The following RAD51B variants were observed in gnomAD, a reference collection of about 807,000 sequenced individuals.
RAD51B encodes RAD51 paralog B, also known as DNA repair protein RAD51 homolog 2.
A neutral mutation model predicts 42.2 loss-of-function variants in RAD51B; 38 were observed. The ratio of observed to expected loss-of-function variants is 0.90; its 90% CI spans 0.70 to 1.18. RAD51B has a LOEUF of 1.18. Ranked by LOEUF, RAD51B falls within the 50% of genes most tolerant of loss-of-function variation. The pLI, the probability that RAD51B is intolerant of heterozygous loss-of-function variation, is 0.00. For missense variants in RAD51B, 373 were observed against 400.7 expected, an observed-to-expected ratio of 0.93 and a Z score of 0.59; for synonymous variants, 154 against 145.2, an observed-to-expected ratio of 1.06 and a Z score of -0.43.
chr14:67,951,994 A>G (rs1358973469), intron 7 of RAD51B, among the ~76,000 whole-genome samples: 1 of 133,112 alleles, frequency 7.5e-6, no homozygotes. Context: ...TCAAACTAAT[A>G]CAAAAAATTC....
At chr14:68,172,525 A>G (rs1387806609) in intron 7 of RAD51B, among the ~76,000 whole-genome samples, 4 of 152,198 alleles carry the variant, frequency 2.6e-5, no homozygotes, top group Admixed American at 2.0e-4. Context: ...AAACTCCTCC[A>G]TAAAATTCCA....
chr14:68,291,192 A>T (rs1042743536), intron 7 of RAD51B, among the ~76,000 whole-genome samples: 8 of 151,506 alleles, frequency 5.3e-5, no homozygotes, highest in Non-Finnish European at 1.2e-4. Flanking sequence ...TTTTTAATTT[A>T]TTTTTATTTA....
chr14:67,893,747 C>G (rs1441621399), intron 7 of RAD51B, among the ~76,000 whole-genome samples: 1 of 151,982 alleles, frequency 6.6e-6, no homozygotes, highest in East Asian at 1.9e-4. Context: ...GAAGTTGGCT[C>G]TGGGTAGTCA....
chr14:68,290,319 C>T (rs959991257), intron 7 of RAD51B, among the ~76,000 whole-genome samples: 1 of 152,222 alleles, frequency 6.6e-6, no homozygotes, highest in Non-Finnish European at 1.5e-5. Flanking sequence ...CTCATAGTTT[C>T]TTCCCACGAT....
intron 11 of RAD51B, among the ~76,000 whole-genome samples, chr14:68,678,935 CAT>C (rs1893368848): frequency 6.6e-6 from 1 of 152,174 alleles, no homozygotes; most frequent in Non-Finnish European, 1.5e-5. Context: ...TCACAGGAAT[CAT>C]AACCAGATTT....
intron 10 of RAD51B, among the ~76,000 whole-genome samples, chr14:68,647,955 G>A (rs1217523704): frequency 1.3e-5 from 2 of 148,750 alleles, no homozygotes; most frequent in Admixed American, 1.3e-4. Context: ...GGGATTACAG[G>A]CATGAGCCAC....
chr14:68,542,037 A>G (rs1037494686), intron 10 of RAD51B, among the ~76,000 whole-genome samples: 3 of 152,236 alleles, frequency 2.0e-5, no homozygotes, highest in Admixed American at 2.0e-4. Flanking sequence ...TATATTATGT[A>G]CATTATAAAA....
intron 10 of RAD51B, among the ~76,000 whole-genome samples, chr14:68,537,092 C>CAAAAA (rs5809385): frequency 1.9e-5 from 2 of 104,704 alleles, no homozygotes; most frequent in Admixed American, 1.1e-4. Context: ...GGTCCTGTCT[C>CAAAAA]AAAAAAAAAA....
intron 4 of RAD51B, among the ~76,000 whole-genome samples, chr14:67,844,340 G>C (rs2041534411): frequency 6.6e-6 from 1 of 151,656 alleles, no homozygotes; most frequent in African/African-American, 2.4e-5. Context: ...GTTTTTGGGT[G>C]GGGAGTTCTG....
intron 7 of RAD51B, among the ~76,000 whole-genome samples, chr14:67,966,979 A>G (rs995235316): frequency 6.6e-6 from 1 of 152,186 alleles, no homozygotes; most frequent in African/African-American, 2.4e-5. Context: ...GCTGATAAAG[A>G]CATACCCGAG....
chr14:68,356,543 T>C (rs1450175821), intron 8 of RAD51B, among the ~76,000 whole-genome samples: 1 of 72,750 alleles, frequency 1.4e-5, no homozygotes, highest in Non-Finnish European at 3.1e-5. Flanking sequence ...AAATACTTAA[T>C]TGCTAAAAAA....
chr14:68,303,905 C>T (rs1297906209), intron 8 of RAD51B, among the ~76,000 whole-genome samples: 1 of 152,194 alleles, frequency 6.6e-6, no homozygotes, highest in African/African-American at 2.4e-5. Flanking sequence ...TGTGGTGGCT[C>T]ATACCTATAA....
chr14:68,006,655 C>T (rs1234808177), intron 7 of RAD51B, among the ~76,000 whole-genome samples: 2 of 151,928 alleles, frequency 1.3e-5, no homozygotes, highest in Admixed American at 6.6e-5. Flanking sequence ...TTAAAAAATA[C>T]TTTCATAGTA....
intron 7 of RAD51B, among the ~76,000 whole-genome samples, chr14:68,206,765 C>T (rs1272974716): frequency 6.6e-6 from 1 of 150,966 alleles, no homozygotes; most frequent in Non-Finnish European, 1.5e-5. Flanking sequence ...TGAAATCACC[C>T]ATTTTCCCAA....
intron 5 of RAD51B, among the ~76,000 whole-genome samples, chr14:67,870,388 A>G (rs1286346009): frequency 6.7e-6 from 1 of 150,336 alleles, no homozygotes; most frequent in Non-Finnish European, 1.5e-5. Context: ...AGAGCTAACT[A>G]TCCTAAATAT....
At chr14:68,549,409 A>ATTTTTTTTTTTTTTTTT (rs71129897) in intron 10 of RAD51B, among the ~76,000 whole-genome samples, 2 of 63,578 alleles carry the variant, frequency 3.1e-5, no homozygotes, top group Admixed American at 2.2e-4. Flanking sequence ...CCCTGGACAC[A>ATTTTTTTTTTTTTTTTT]TTTTTTTTTT....
intron 8 of RAD51B, among the ~76,000 whole-genome samples, chr14:68,362,410 TGTAA>T (rs1390778967): frequency 1.3e-5 from 2 of 152,224 alleles, no homozygotes; most frequent in African/African-American, 4.8e-5. Flanking sequence ...AATCTGATGA[TGTAA>T]GTGTTAGCCC....
At chr14:67,889,134 C>G (rs1278282103) in intron 7 of RAD51B, among the ~76,000 whole-genome samples, 1 of 152,056 alleles carries the variant, frequency 6.6e-6, no homozygotes, top group Non-Finnish European at 1.5e-5. Flanking sequence ...CTTTGTTTCT[C>G]TATTTAGAAA....
intron 10 of RAD51B, among the ~76,000 whole-genome samples, chr14:68,535,246 A>G (rs1483659983): frequency 6.6e-6 from 1 of 152,152 alleles, no homozygotes; most frequent in Non-Finnish European, 1.5e-5. Flanking sequence ...ATAAATATGA[A>G]CACTGATTTC....
Sources: allele counts gnomAD v4.1 joint callset (sites outside exome capture counted in the v4.1 genomes callset), GRCh38; gene constraint gnomAD v4.1.1; transcripts MANE v1.5; gene names NCBI Gene and HGNC (gene_info 2026-07-23, HGNC 2026-07-21).